Variants in LARP4B observed in about 807,000 individuals in gnomAD.
The protein encoded by LARP4B is La ribonucleoprotein 4B.
In LARP4B, 12 loss-of-function variants were observed where a neutral mutation model predicts 89.8. The ratio of observed to expected loss-of-function variants is 0.13; its 90% CI spans 0.09 to 0.22. LARP4B has a LOEUF of 0.22. Ranked by LOEUF, LARP4B falls within the 10% of genes least tolerant of loss-of-function variation. The probability of loss-of-function intolerance (pLI) is 1.00; values close to 1 mark genes in which losing one functional copy is unlikely to be tolerated. For missense variants in LARP4B, 757 were observed against 947.7 expected (o/e 0.80, Z 2.64); for synonymous variants, 367 against 363.3 (o/e 1.01, Z -0.12).
At chr10:915,883 G>A (rs1005324338) in intron 1 of LARP4B, among the ~76,000 whole-genome samples, 2 of 150,824 alleles carry the variant, frequency 1.3e-5, no homozygotes, top group Non-Finnish European at 2.9e-5. Context: ...TCAATTATCT[G>A]GCTAAATGAC....
chr10:828,918 T>C (rs35302706), intron 11 of LARP4B, among the ~76,000 whole-genome samples: 38 of 152,292 alleles, frequency 2.5e-4, no homozygotes, highest in African/African-American at 3.6e-4. Flanking sequence ...ATTCCAACCA[T>C]AGGCCTTAAC....
chr10:904,390 T>TA (rs1190945389), intron 1 of LARP4B, among the ~76,000 whole-genome samples: 1 of 150,920 alleles, frequency 6.6e-6, no homozygotes, highest in Non-Finnish European at 1.5e-5. Flanking sequence ...CCTGTCTCTA[T>TA]AAAAAATACA....
At chr10:885,878 G>A (rs1324811558) in intron 1 of LARP4B, 118 bp from the exon 2 acceptor site, 1 of 527,192 alleles carries the variant, frequency 1.9e-6, no homozygotes, top group Non-Finnish European at 3.3e-6. Context: ...ATTCAAAAAA[G>A]TTTAAAGAAG....
Position 814,359 on chromosome 10 carries a change from A to C in LARP4B, c.1929+383T>G, listed in dbSNP as rs1419124156. On this transcript the variant is annotated intron_variant, in intron 17 of 17. Transcript: ENST00000316157. This position sits in a 1 kb window ranked among gnomAD's most constrained non-coding sequence, Gnocchi z 4.4. ...GGGGTTGGAGGCTGGTGGGGCCACC[A>C]TCTTGCTCTTCCTGTCTCTTCATCA... The C allele has an allele frequency of 8.8e-6, 3 of 341,972 alleles. No homozygotes were observed. The highest frequency in any genetic ancestry group is 1.8e-5 in the Non-Finnish European group (3 of 170,164). The allele number at this position is 341,972 out of a possible 1,614,324, so 21.2% of individuals were successfully genotyped here.
chr10:884,540 A>C (rs1835793147), intron 2 of LARP4B, 34 bp from the exon 3 acceptor site: 2 of 1,385,896 alleles, frequency 1.4e-6, no homozygotes, highest in Non-Finnish European at 2.0e-6. Flanking sequence ...ACATCAGTAC[A>C]ATGTTTAAAA....
Position 810,694 on chromosome 10 carries a change from C to G in LARP4B, c.*2232G>C, listed in dbSNP as rs1029980739. 6.6e-6 allele frequency: 1 copy of G among 152,190 alleles called. No homozygotes were observed. Among genetic ancestry groups the G allele is most frequent in the East Asian group, 1.9e-4 (1 of 5,182 alleles). The allele number at this position is 152,190 out of a possible 1,614,324, so 9.4% of individuals were successfully genotyped here. The stretch of plus-strand genomic sequence containing the variant: ...TGATGGCGCCCTGGCCCTTCCGTAG[C>G]GAAGATGCAGCTCGTAGGCCCAGGC... On this transcript the variant is annotated 3_prime_UTR_variant, in exon 18 of 18. Coordinates refer to ENST00000316157, the MANE Select transcript of LARP4B (RefSeq NM_015155.3).
chr10:912,704 T>C (rs540880707), intron 1 of LARP4B, among the ~76,000 whole-genome samples: 3 of 105,494 alleles, frequency 2.8e-5, no homozygotes, highest in Non-Finnish European at 4.5e-5. Flanking sequence ...AAACCTCGTC[T>C]TGACAAAAAA....
intron 1 of LARP4B, among the ~76,000 whole-genome samples, chr10:895,565 C>T (rs1836161332): frequency 6.6e-6 from 1 of 150,916 alleles, no homozygotes; most frequent in African/African-American, 2.4e-5. Flanking sequence ...CCCAGCTACT[C>T]GGGAGGCTGA....
Position 848,459 on chromosome 10 carries a change from C to T in LARP4B, c.431-3404G>A, listed in dbSNP as rs572261863. ...AATGAGAAGTATCAACCAACAGAAG[C>T]CAATCCAGAACTGACACAGATGTTA... On this transcript the variant is annotated intron_variant, in intron 5 of 17. Coordinates refer to ENST00000316157, the MANE Select transcript of LARP4B (RefSeq NM_015155.3). Among the ~76,000 whole-genome samples, 3 of 151,760 alleles carry T rather than the reference C, an allele frequency of 2.0e-5. No homozygotes were observed. The East Asian group carries it at 5.8e-4, about 29-fold the overall frequency.
chr10:912,782 C>G (rs1300937795), intron 1 of LARP4B, among the ~76,000 whole-genome samples: 1 of 151,470 alleles, frequency 6.6e-6, no homozygotes, highest in Non-Finnish European at 1.5e-5. Context: ...CCCAGCTACT[C>G]GGGAGGCATC....
intron 1 of LARP4B, among the ~76,000 whole-genome samples, chr10:892,474 C>T (rs898825412): frequency 2.6e-5 from 4 of 152,100 alleles, no homozygotes; most frequent in East Asian, 3.8e-4. Flanking sequence ...CTTAAAAATA[C>T]AACACCATCT....
chr10:849,094 G>A lies in LARP4B; in HGVS notation c.431-4039C>T, dbSNP rs1441637504. On this transcript the variant is annotated intron_variant, in intron 5 of 17. Coordinates refer to ENST00000316157, the MANE Select transcript of LARP4B (RefSeq NM_015155.3). ...CACCTCAAGGTAGACTGTGTTAGCC[G>A]GAGGAAGTGGAGCAAAACGCAAAGA... Among the ~76,000 whole-genome samples the A allele has an allele frequency of 9.9e-5, 15 of 152,158 alleles. 1 individual carries two copies. In the South Asian group the frequency reaches 1.9e-3, roughly 19 times the overall value.
intron 1 of LARP4B, among the ~76,000 whole-genome samples, chr10:904,193 A>G (rs1836423722): frequency 6.6e-6 from 1 of 152,186 alleles, no homozygotes; most frequent in African/African-American, 2.4e-5. Flanking sequence ...CTGAGGCTAA[A>G]GGATTACTTG....
At chr10:981,052 G>A in the LARP4B span, among the ~76,000 whole-genome samples, 1 of 152,210 alleles carries the variant, frequency 6.6e-6, no homozygotes, top group Non-Finnish European at 1.5e-5. Flanking sequence ...TCTTCTGTCA[G>A]ATGCCCTAAA....
chr10:984,718 T>C, the LARP4B span, among the ~76,000 whole-genome samples: 26 of 152,178 alleles, frequency 1.7e-4, no homozygotes, highest in South Asian at 2.1e-3. Flanking sequence ...TACCAAACAA[T>C]TCATGACCAG....
chr10:821,618 A>G (rs1014997666), intron 13 of LARP4B, among the ~76,000 whole-genome samples: 5 of 152,250 alleles, frequency 3.3e-5, no homozygotes, highest in Non-Finnish European at 5.9e-5. Flanking sequence ...AATGGAATGC[A>G]AAGACTCCCC....
rs187940592 is a variant in LARP4B at position 844,166 on chromosome 10, A to G, written c.509+811T>C. ...TCCACCCTCATCTCGGCCATCTTCC[A>G]GGTGTAGCTGATTCTGGCCCCATGG... On this transcript the variant is annotated intron_variant, in intron 6 of 17. Transcript: ENST00000316157. Among the ~76,000 whole-genome samples the G allele has an allele frequency of 1.3e-3, 201 of 152,358 alleles. 1 individual carries two copies. Among genetic ancestry groups the G allele is most frequent in the Non-Finnish European group, 2.1e-3 (140 of 68,030 alleles).
At chr10:948,078 G>A in the LARP4B span, among the ~76,000 whole-genome samples, 7 of 150,346 alleles carry the variant, frequency 4.7e-5, no homozygotes, top group Admixed American at 4.0e-4. Context: ...TGCGCCGACT[G>A]CCCACCGCCC....
chr10:877,318 C>T (rs1015607620), intron 3 of LARP4B, among the ~76,000 whole-genome samples: 2 of 152,074 alleles, frequency 1.3e-5, no homozygotes, highest in South Asian at 2.1e-4. Flanking sequence ...AAGTTCAAGG[C>T]TGCAGTGAGC....
Sources: gnomAD v4.1 joint callset for allele counts (sites outside exome capture counted in the v4.1 genomes callset) on GRCh38, gnomAD v4.1.1 for gene constraint, Gnocchi (gnomAD v3.1) non-coding constraint, MANE v1.5 for transcripts, NCBI Gene and HGNC (gene_info 2026-07-23, HGNC 2026-07-21) for gene names.